MGAT4A: variants seen among roughly 807,000 people sequenced by gnomAD.
MGAT4A encodes N-acetylglucosaminyltransferase IVa.
In MGAT4A, 33 loss-of-function variants were observed where a neutral mutation model predicts 74.1. The ratio of observed to expected loss-of-function variants is 0.45; its 90% CI spans 0.34 to 0.60. MGAT4A has a LOEUF of 0.60. Among genes scored for constraint, MGAT4A ranks in the 20% least tolerant of loss-of-function variants. The pLI, the probability that MGAT4A is intolerant of heterozygous loss-of-function variation, is 0.02. For missense variants in MGAT4A, 479 were observed against 628.3 expected (o/e 0.76, Z 2.54); for synonymous variants, 198 against 210.4 (o/e 0.94, Z 0.51).
intron 2 of MGAT4A, among the ~76,000 whole-genome samples, chr2:98,680,104 G>A (rs543519962): frequency 4.1e-5 from 6 of 144,912 alleles, no homozygotes; most frequent in East Asian, 4.0e-4. Context: ...ACAGTGGCGC[G>A]ATCTCGGCTC....
chr2:98,702,355 T>C (rs1051141347), intron 2 of MGAT4A, among the ~76,000 whole-genome samples: 2 of 152,306 alleles, frequency 1.3e-5, no homozygotes, highest in East Asian at 3.9e-4. Context: ...CCTGCTGCCA[T>C]GAGGCTGCTG....
rs1200339544 is a variant in MGAT4A, at chr2:98,625,771, A to T, written c.1533T>A (p.Phe511Leu). 4 of 1,612,542 alleles carry T rather than the reference A, an allele frequency of 2.5e-6. No homozygotes were observed. The highest frequency in any genetic ancestry group is 3.4e-6 in the Non-Finnish European group (4 of 1,178,840). The change falls in exon 15 of 16, where the codon TTT (phenylalanine) becomes TTA (leucine). Residue 511 changes from phenylalanine to leucine, a missense_variant. By Grantham distance (22) the Phe-to-Leu change is conservative. Transcript: ENST00000393487. ...VDPSLNPISA[F>L]RLSVIQNSAV... ...CAGAATTCTGAATAACTGAAAGTCG[A>T]AAGGCTGAAATGGGATTGAGACTTG...
At chr2:98,640,587 G>C (rs1701392315) in intron 10 of MGAT4A, among the ~76,000 whole-genome samples, 1 of 152,080 alleles carries the variant, frequency 6.6e-6, no homozygotes, top group African/African-American at 2.4e-5. Context: ...CTGGGTGACA[G>C]AGTAAAACTC....
intron 1 of MGAT4A, among the ~76,000 whole-genome samples, chr2:98,727,502 T>C (rs190739687): frequency 1.3e-5 from 2 of 152,294 alleles, no homozygotes; most frequent in African/African-American, 4.8e-5. Flanking sequence ...GTCCACTCTA[T>C]GCATGGTCAG....
intron 12 of MGAT4A, among the ~76,000 whole-genome samples, chr2:98,639,532 G>A (rs552576347): frequency 1.3e-5 from 2 of 151,878 alleles, no homozygotes; most frequent in Admixed American, 6.6e-5. Context: ...TGAGATTTTC[G>A]AGAGTTCCGC....
intron 2 of MGAT4A, among the ~76,000 whole-genome samples, chr2:98,721,567 AATAATT>A (rs1219292282): frequency 6.6e-6 from 1 of 152,190 alleles, no homozygotes; most frequent in African/African-American, 2.4e-5. Flanking sequence ...ACATAAAAAT[AATAATT>A]ATAACAATAT....
At chr2:98,692,185 T>G (rs1243004035) in intron 2 of MGAT4A, among the ~76,000 whole-genome samples, 1 of 152,110 alleles carries the variant, frequency 6.6e-6, no homozygotes, top group Admixed American at 6.5e-5. Flanking sequence ...GCCTCAACCT[T>G]CTTGGCTCAA....
At chr2:98,667,110 T>G (rs1041459073) in intron 4 of MGAT4A, among the ~76,000 whole-genome samples, 2 of 51,594 alleles carry the variant, frequency 3.9e-5, no homozygotes, top group Non-Finnish European at 6.7e-5. Context: ...CTCTGCCTGC[T>G]GCCATCCACA....
At chr2:98,640,559 G>A (rs1701391934) in intron 10 of MGAT4A, among the ~76,000 whole-genome samples, 1 of 151,980 alleles carries the variant, frequency 6.6e-6, no homozygotes, top group Admixed American at 6.6e-5. Flanking sequence ...AGCCGAGATC[G>A]CACCACTGCA....
intron 2 of MGAT4A, among the ~76,000 whole-genome samples, chr2:98,686,623 T>C (rs1205428875): frequency 1.3e-5 from 2 of 151,732 alleles, no homozygotes; most frequent in African/African-American, 2.4e-5. Flanking sequence ...CTCAGCCCAC[T>C]GCAATCTCCG....
chr2:98,722,258 C>T (rs1702683756), intron 2 of MGAT4A, among the ~76,000 whole-genome samples: 1 of 152,152 alleles, frequency 6.6e-6, no homozygotes, highest in African/African-American at 2.4e-5. Flanking sequence ...CAAAGTTCAC[C>T]AGCGGATGGA....
intron 4 of MGAT4A, among the ~76,000 whole-genome samples, chr2:98,669,977 C>A (rs758310961): frequency 6.6e-6 from 1 of 152,090 alleles, no homozygotes; most frequent in Non-Finnish European, 1.5e-5. Flanking sequence ...TTGGTGGACA[C>A]GTACTATGAG....
chr2:98,662,331 T>C (rs1217336788), intron 5 of MGAT4A, among the ~76,000 whole-genome samples: 2 of 152,242 alleles, frequency 1.3e-5, no homozygotes, highest in Non-Finnish European at 1.5e-5. Flanking sequence ...TATATTTATG[T>C]AGAGGAGTAA....
chr2:98,684,214 A>C (rs969217362), intron 2 of MGAT4A, among the ~76,000 whole-genome samples: 3 of 152,202 alleles, frequency 2.0e-5, no homozygotes, highest in African/African-American at 7.2e-5. Flanking sequence ...CCTCCAAATT[A>C]ATATGTTTGA....
At chr2:98,717,844 G>A (rs745857369) in intron 2 of MGAT4A, among the ~76,000 whole-genome samples, 21 of 152,276 alleles carry the variant, frequency 1.4e-4, no homozygotes, top group Middle Eastern at 6.8e-3. Flanking sequence ...TGCCTGGCAT[G>A]CCGAAGGCAC....
Position 98,693,783 on chromosome 2 carries a change from G to GT in MGAT4A, c.95-15313dup, listed in dbSNP as rs1392717180. Reference sequence around the variant, plus strand: ...AAAACGTCAACCCCTGTAGACCACGGTAAGTTATATATGTACACTGAAATA... The same window carrying GT: ...AAAACGTCAACCCCTGTAGACCACGGTTAAGTTATATATGTACACTGAAATA... On this transcript the variant is annotated intron_variant, in intron 2 of 15. Transcript: ENST00000393487. 1.1e-4 allele frequency among the ~76,000 whole-genome samples: 16 copies of GT among 152,014 alleles called. No homozygotes were observed. In the East Asian group the frequency reaches 2.1e-3, roughly 20 times the overall value.
chr2:98,640,348 G>T, intron 10 of MGAT4A, 120 bp from the exon 11 acceptor site: 1 of 775,430 alleles, frequency 1.3e-6, no homozygotes, highest in Non-Finnish European at 2.1e-6. Context: ...GGTGGGTCAT[G>T]CCTATAATCC....
Position 98,622,082 on chromosome 2 carries a change from A to C in MGAT4A, c.*3484T>G. 8.1e-6 allele frequency: 8 copies of C among 985,466 alleles called. No individual in the cohort carries two copies. Among genetic ancestry groups the C allele is most frequent in the Non-Finnish European group, 9.6e-6 (8 of 829,940 alleles). The allele number at this position is 985,466 out of a possible 1,614,324, so 61.0% of individuals were successfully genotyped here. A position where few individuals can be genotyped will look rare whatever the true frequency, so the allele number is the denominator to read the frequency against. On this transcript the variant is annotated 3_prime_UTR_variant, in exon 16 of 16. Coordinates refer to ENST00000393487, the MANE Select transcript of MGAT4A (RefSeq NM_012214.3). ...AGAATGCATGAGACTAAGATAAAGA[A>C]CTTAAGAAATCTTACATCTTAGAAT... is the stretch of plus-strand genomic sequence containing the variant.
intron 1 of MGAT4A, 87 bp from the exon 2 acceptor site, chr2:98,726,654 T>C: frequency 3.3e-6 from 1 of 307,068 alleles, no homozygotes; most frequent in Non-Finnish European, 5.9e-6. Flanking sequence ...ATAAACAGAC[T>C]TTTGGCAGGG....
Sources: gnomAD v4.1 joint callset for allele counts (sites outside exome capture counted in the v4.1 genomes callset) on GRCh38, gnomAD v4.1.1 for gene constraint, MANE v1.5 for transcripts, NCBI Gene and HGNC (gene_info 2026-07-23, HGNC 2026-07-21) for gene names.